The following ATP9A variants were observed in gnomAD, a reference collection of about 807,000 sequenced individuals.
The protein encoded by ATP9A is probable phospholipid-transporting ATPase IIA.
In ATP9A, 52 loss-of-function variants were observed where a neutral mutation model predicts 144.1. The ratio of observed to expected loss-of-function variants is 0.36; its 90% CI spans 0.29 to 0.45. ATP9A has a LOEUF of 0.45. ATP9A is among the 20% of genes least tolerant of loss of function. The pLI, the probability that ATP9A is intolerant of heterozygous loss-of-function variation, is 1.00. For synonymous variants in ATP9A, 582 were observed against 557.4 expected (o/e 1.04, Z -0.62); for missense variants, 947 against 1,392.7 (o/e 0.68, Z 5.09).
chr20:51,653,267 A>G (rs1050571283), intron 14 of ATP9A, among the ~76,000 whole-genome samples: 1 of 152,154 alleles, frequency 6.6e-6, no homozygotes, highest in African/African-American at 2.4e-5. Context: ...CAGAAGAGAT[A>G]AAGTACCATT....
intron 9 of ATP9A, among the ~76,000 whole-genome samples, chr20:51,685,591 G>GAAAAT (rs1341600877): frequency 2.0e-5 from 3 of 151,512 alleles, no homozygotes; most frequent in African/African-American, 2.4e-5. Context: ...AAAAAGAAAA[G>GAAAAT]AAAAGAAAAA....
chr20:51,603,804 G>T (rs575725418), intron 27 of ATP9A, among the ~76,000 whole-genome samples: 1 of 151,128 alleles, frequency 6.6e-6, no homozygotes, highest in Admixed American at 6.6e-5. Context: ...ATTTAGAAAT[G>T]GAGTCTTACT....
intron 1 of ATP9A, among the ~76,000 whole-genome samples, chr20:51,761,967 G>T (rs1204066150): frequency 1.3e-5 from 2 of 152,008 alleles, no homozygotes. Context: ...TTGGCTCATG[G>T]CCCCTTCTTC....
chr20:51,709,974 A>C (rs2077630728), intron 4 of ATP9A, among the ~76,000 whole-genome samples: 1 of 152,016 alleles, frequency 6.6e-6, no homozygotes, highest in African/African-American at 2.4e-5. Context: ...GGCCATTTTC[A>C]CCCCACAAAA....
intron 1 of ATP9A, among the ~76,000 whole-genome samples, chr20:51,763,595 G>A (rs1025235368): frequency 6.6e-6 from 1 of 152,172 alleles, no homozygotes; most frequent in Non-Finnish European, 1.5e-5. Flanking sequence ...TTACAGGAAT[G>A]AGCCACCGCA....
chr20:51,710,535 G>A (rs74465680), intron 4 of ATP9A, among the ~76,000 whole-genome samples: 4,951 of 152,222 alleles, frequency 0.033, 112 homozygotes, highest in Non-Finnish European at 0.05. Context: ...CCCCAAAAGC[G>A]TATCAAATAA....
At chr20:51,678,789 G>T (rs993556577) in intron 9 of ATP9A, among the ~76,000 whole-genome samples, 1 of 152,194 alleles carries the variant, frequency 6.6e-6, no homozygotes, top group East Asian at 1.9e-4. Context: ...TGCCCTCTAC[G>T]TCTGGCCTGG....
intron 10 of ATP9A, among the ~76,000 whole-genome samples, chr20:51,674,564 G>T (rs1164541455): frequency 6.6e-6 from 1 of 152,116 alleles, no homozygotes; most frequent in Non-Finnish European, 1.5e-5. Context: ...GGAACTCAAA[G>T]AATTCTGAAA....
rs373330828 is a variant in ATP9A at position 51,690,696 on chromosome 20, A to G, written c.723+43T>C. The G allele has an allele frequency of 9.9e-6, 15 of 1,514,812 alleles. No homozygotes were observed. In the African/African-American group the frequency reaches 1.8e-4, roughly 18 times the overall value. 93.8% of individuals were successfully genotyped at this position (1,514,812 alleles called of 1,614,324 possible). A position where few individuals can be genotyped will look rare whatever the true frequency, so the allele number is the denominator to read the frequency against. On this transcript the variant is annotated intron_variant, in intron 8 of 27. Transcript: ENST00000338821. ...TCTTGGCCTTCATTTCATCCCTTAC[A>G]CACTCCCGGTGACAGGATCCCATGT...
At chr20:51,620,874 G>A (rs777185189) in intron 19 of ATP9A, among the ~76,000 whole-genome samples, 4 of 152,100 alleles carry the variant, frequency 2.6e-5, no homozygotes, top group Admixed American at 2.0e-4. Flanking sequence ...TAGGCCAGGC[G>A]CGGTGGCTCA....
In ATP9A at chr20:51,719,576, T is replaced by C. The variant is rs1314413252; in HGVS notation, c.327+6243A>G. ...GGTGAAACCCCGTCTCTACTAAAAATACAAAAATTAGCTGGGCGTGGTGGC... is the reference window on the plus strand; with the variant it reads ...GGTGAAACCCCGTCTCTACTAAAAACACAAAAATTAGCTGGGCGTGGTGGC... On this transcript the variant is annotated intron_variant, in intron 3 of 27. Transcript: ENST00000338821. Among the ~76,000 whole-genome samples the C allele has an allele frequency of 2.7e-5, 4 of 148,918 alleles. No individual in the cohort carries two copies. The East Asian group carries it at 6.1e-4, about 23-fold the overall frequency.
intron 13 of ATP9A, among the ~76,000 whole-genome samples, chr20:51,660,159 C>T (rs973538290): frequency 2.0e-5 from 3 of 152,136 alleles, no homozygotes; most frequent in African/African-American, 4.8e-5. Context: ...AGCACCTGGA[C>T]CAAATCGTTA....
chr20:51,682,575 A>ATTTTTTTTT (rs2077504448), intron 9 of ATP9A, among the ~76,000 whole-genome samples: 5 of 32,800 alleles, frequency 1.5e-4, no homozygotes, highest in East Asian at 1.1e-3. Flanking sequence ...TTTTCACTGT[A>ATTTTTTTTT]TCTTTTTTTT....
At position 51,664,924 on chromosome 20, in the gene ATP9A, G is replaced by A. The variant is rs189619919; in HGVS notation, c.1293+5073C>T. On this transcript the variant is annotated intron_variant, in intron 13 of 27. Transcript: ENST00000338821. ...TTTTTGTATTTTTAGTAGAGACGGG[G>A]TTTCACCATGTTGGTCAGGCTGGTC... 9.0e-3 allele frequency among the ~76,000 whole-genome samples: 1,352 copies of A among 151,052 alleles called. 39 individuals are homozygous for A. The highest frequency in any genetic ancestry group is 0.053 in the Admixed American group (800 of 15,058).
At chr20:51,744,999 GGT>G (rs1188085408) in intron 1 of ATP9A, among the ~76,000 whole-genome samples, 24 of 152,248 alleles carry the variant, frequency 1.6e-4, no homozygotes, top group Admixed American at 3.3e-4. Context: ...GCATGGGCCG[GGT>G]GCAGTGGCTG....
At chr20:51,713,290 A>T (rs2077647995) in intron 3 of ATP9A, among the ~76,000 whole-genome samples, 2 of 152,146 alleles carry the variant, frequency 1.3e-5, no homozygotes, top group Non-Finnish European at 2.9e-5. Flanking sequence ...CTGTAGAAAC[A>T]CTACCCTAGA....
At chr20:51,731,806 T>C (rs2077742836) in intron 1 of ATP9A, among the ~76,000 whole-genome samples, 1 of 152,124 alleles carries the variant, frequency 6.6e-6, no homozygotes, top group Non-Finnish European at 1.5e-5. Flanking sequence ...TTGAACTGTG[T>C]CAGCCTTATT....
intron 11 of ATP9A, among the ~76,000 whole-genome samples, chr20:51,671,993 T>C (rs1214601161): frequency 6.6e-6 from 1 of 151,800 alleles, no homozygotes; most frequent in Non-Finnish European, 1.5e-5. Flanking sequence ...AGAGATGGGG[T>C]TTCACCATGT....
intron 3 of ATP9A, among the ~76,000 whole-genome samples, chr20:51,719,706 C>G (rs1188507776): frequency 7.3e-6 from 1 of 137,894 alleles, no homozygotes; most frequent in Non-Finnish European, 1.5e-5. Flanking sequence ...GCACTCCAGC[C>G]TGGCAACAGA....
Sources: gnomAD v4.1 joint callset for allele counts (sites outside exome capture counted in the v4.1 genomes callset) on GRCh38, gnomAD v4.1.1 for gene constraint, MANE v1.5 for transcripts, NCBI Gene and HGNC (gene_info 2026-07-23, HGNC 2026-07-21) for gene names.